Variants in NALCN observed in about 807,000 individuals in gnomAD.
The protein encoded by NALCN is sodium leak channel NALCN.
In NALCN, 111 loss-of-function variants were observed where a neutral mutation model predicts 225.3. That is an observed-to-expected ratio of 0.49 (90% confidence interval 0.42 to 0.58). The LOEUF is 0.58. NALCN is among the 20% of genes least tolerant of loss of function. The probability of loss-of-function intolerance (pLI) is 0.00; values close to 1 mark genes in which losing one functional copy is unlikely to be tolerated. For missense variants in NALCN, 1,378 were observed against 2,202.4 expected, an observed-to-expected ratio of 0.63 and a Z score of 7.49; for synonymous variants, 764 against 769.0, an observed-to-expected ratio of 0.99 and a Z score of 0.11.
intron 12 of NALCN, 81 bp from the exon 13 acceptor site, chr13:101,229,665 A>ATTATT (rs67852428): frequency 8.8e-7 from 1 of 1,131,628 alleles, no homozygotes; most frequent in East Asian, 2.9e-5. Flanking sequence ...ATACTAAAAT[A>ATTATT]TTATTTTATA....
At chr13:101,090,919 G>A (rs75849865) in intron 28 of NALCN, among the ~76,000 whole-genome samples, 2,074 of 152,054 alleles carry the variant, frequency 0.014, 31 homozygotes, top group East Asian at 0.084. Flanking sequence ...ACTTTATGTC[G>A]AGGTGTACCC....
At chr13:101,199,224 C>CAT (rs2040013370) in intron 13 of NALCN, among the ~76,000 whole-genome samples, 1 of 151,556 alleles carries the variant, frequency 6.6e-6, no homozygotes, top group East Asian at 1.9e-4. Context: ...ACCAACATGG[C>CAT]ATATATATAC....
chr13:101,318,804 C>T (rs1240980097), intron 7 of NALCN, among the ~76,000 whole-genome samples: 2 of 152,124 alleles, frequency 1.3e-5, no homozygotes, highest in East Asian at 1.9e-4. Flanking sequence ...TACAATTAAG[C>T]ATGATGTATT....
At chr13:101,366,621 T>C (rs1359827979) in intron 6 of NALCN, among the ~76,000 whole-genome samples, 1 of 152,144 alleles carries the variant, frequency 6.6e-6, no homozygotes, top group African/African-American at 2.4e-5. Flanking sequence ...GAGATGTGTA[T>C]AATACATTTT....
At chr13:101,382,348 A>G (rs933673508) in intron 3 of NALCN, among the ~76,000 whole-genome samples, 1 of 151,962 alleles carries the variant, frequency 6.6e-6, no homozygotes, top group Non-Finnish European at 1.5e-5. Flanking sequence ...GAGGAGAGAC[A>G]TGCTTTTCAC....
At chr13:101,261,194 G>T (rs553158432) in intron 10 of NALCN, among the ~76,000 whole-genome samples, 4 of 152,210 alleles carry the variant, frequency 2.6e-5, no homozygotes, top group African/African-American at 9.6e-5. Flanking sequence ...TTTCCTTCTG[G>T]GTTCTCTATT....
intron 7 of NALCN, among the ~76,000 whole-genome samples, chr13:101,304,758 C>CTTTTTTTTTT (rs769247590): frequency 8.1e-6 from 1 of 122,814 alleles, no homozygotes; most frequent in African/African-American, 3.2e-5. Flanking sequence ...TTTTTCTTTT[C>CTTTTTTTTTT]TTTTTTTTTT....
At chr13:101,137,716 A>G (rs983606078) in intron 17 of NALCN, among the ~76,000 whole-genome samples, 1 of 152,234 alleles carries the variant, frequency 6.6e-6, no homozygotes, top group Non-Finnish European at 1.5e-5. Flanking sequence ...AGACTGTTAC[A>G]TCTGAAGGTT....
intron 6 of NALCN, among the ~76,000 whole-genome samples, chr13:101,361,065 C>T (rs368932877): frequency 9.9e-5 from 15 of 152,216 alleles, no homozygotes; most frequent in East Asian, 9.6e-4. Context: ...CCTAAAAATA[C>T]GAATCACAAA....
chr13:101,248,863 T>A (rs1319178860), intron 11 of NALCN, among the ~76,000 whole-genome samples: 1 of 152,170 alleles, frequency 6.6e-6, no homozygotes, highest in Non-Finnish European at 1.5e-5. Flanking sequence ...TTATCAAACT[T>A]GAGAAGGCTA....
rs750056960 is a variant in NALCN, at chr13:101,089,404, T to C, written c.3489+259A>G. Among the ~76,000 whole-genome samples, 3 of 152,204 alleles carry C rather than the reference T, an allele frequency of 2.0e-5. No homozygotes were observed. The highest frequency in any genetic ancestry group is 2.9e-5 in the Non-Finnish European group (2 of 68,038). On this transcript the variant is annotated intron_variant, in intron 30 of 43. Transcript: ENST00000251127. The surrounding 1 kb of genome is among the most constrained non-coding windows in gnomAD (Gnocchi z 4.7). ...CCATCTTTCTTTTCAATTTGAACAA[T>C]AGGAGACGCGCCTCTCAGTTGTCGG...
At chr13:101,322,255 A>G (rs78586025) in intron 7 of NALCN, among the ~76,000 whole-genome samples, 2,399 of 152,300 alleles carry the variant, frequency 0.016, 40 homozygotes, top group Non-Finnish European at 0.022. Context: ...GTGCAAATCA[A>G]CTGATAATGC....
intron 33 of NALCN, among the ~76,000 whole-genome samples, chr13:101,082,599 C>G (rs568855298): frequency 6.6e-6 from 1 of 152,290 alleles, no homozygotes; most frequent in South Asian, 2.1e-4. Context: ...CAACAATCGA[C>G]AGCAGCATTT....
rs60240326 is a variant in NALCN, at chr13:101,269,211, C to CATAT, written c.1135-10641_1135-10638dup. Among the ~76,000 whole-genome samples the CATAT allele has an allele frequency of 3.8e-3, 554 of 145,542 alleles. 1 individual carries two copies. Among genetic ancestry groups the CATAT allele is most frequent in the East Asian group, 9.2e-3 (45 of 4,878 alleles). ...GTGTCCAGAAAGAGTAGAAAAAGCT[C>CATAT]ATATATATATATATATATATATATA... On this transcript the variant is annotated intron_variant, in intron 10 of 43. Coordinates refer to ENST00000251127, the MANE Select transcript of NALCN (RefSeq NM_052867.4).
intron 10 of NALCN, among the ~76,000 whole-genome samples, chr13:101,272,829 C>T (rs565708289): frequency 1.3e-5 from 2 of 152,262 alleles, no homozygotes; most frequent in African/African-American, 4.8e-5. Flanking sequence ...GGAAGGTTCA[C>T]GAAGAAGACA....
Position 101,341,418 on chromosome 13 carries a change from A to C in NALCN, c.799+3848T>G, listed in dbSNP as rs147830912. Reference sequence around the variant, plus strand: ...GATGTACCTCCTTATAGCTAACTTGACCTTATTTTTTCTGGATGCCTAATG... The same window carrying C: ...GATGTACCTCCTTATAGCTAACTTGCCCTTATTTTTTCTGGATGCCTAATG... On this transcript the variant is annotated intron_variant, in intron 7 of 43. Transcript: ENST00000251127. Among the ~76,000 whole-genome samples, 1,388 of 152,156 alleles carry C rather than the reference A, an allele frequency of 9.1e-3. 15 individuals carry two copies. The highest frequency in any genetic ancestry group is 0.02 in the Middle Eastern group (6 of 294).
At chr13:101,168,676 T>G (rs1466728614) in intron 15 of NALCN, among the ~76,000 whole-genome samples, 2 of 152,192 alleles carry the variant, frequency 1.3e-5, no homozygotes, top group African/African-American at 4.8e-5. Context: ...TGCCCTCCAG[T>G]GCATTTCACA....
intron 12 of NALCN, 47 bp downstream of exon 12, chr13:101,237,707 CT>C (rs1403177403): frequency 7.6e-7 from 1 of 1,312,056 alleles, no homozygotes; most frequent in East Asian, 2.6e-5. Flanking sequence ...GGTATTTACT[CT>C]GGAAATAAAT....
intron 27 of NALCN, among the ~76,000 whole-genome samples, chr13:101,097,853 G>A (rs560118790): frequency 2.0e-4 from 30 of 152,228 alleles, no homozygotes; most frequent in Middle Eastern, 3.4e-3. Flanking sequence ...CTACATGGGC[G>A]GGAATGAAAT....
Sources: gnomAD v4.1 joint callset for allele counts (sites outside exome capture counted in the v4.1 genomes callset) on GRCh38, gnomAD v4.1.1 for gene constraint, Gnocchi (gnomAD v3.1) non-coding constraint, MANE v1.5 for transcripts, NCBI Gene and HGNC (gene_info 2026-07-23, HGNC 2026-07-21) for gene names.